Variants in UTRN observed in about 807,000 individuals in gnomAD.
The protein encoded by UTRN is utrophin, also known as dystrophin-related protein 1.
A neutral mutation model predicts 463.9 loss-of-function variants in UTRN; 283 were observed. The observed-to-expected ratio is 0.61, with a 90% CI of 0.55 to 0.67. UTRN has a LOEUF of 0.67. Ranked by LOEUF, UTRN falls within the 30% of genes least tolerant of loss-of-function variation. UTRN has a pLI of 0.00. For synonymous variants in UTRN, 1,442 were observed against 1,431.5 expected (o/e 1.01, Z -0.17); for missense variants, 3,922 against 4,084.3 (o/e 0.96, Z 1.08).
Position 144,751,560 on chromosome 6 carries a change from A to G in UTRN, c.8209-246A>G, listed in dbSNP as rs573833318. Among the ~76,000 whole-genome samples the G allele has an allele frequency of 2.6e-5, 4 of 152,240 alleles. No homozygotes were observed. In the South Asian group the frequency reaches 6.2e-4, roughly 24 times the overall value. On this transcript the variant is annotated intron_variant, in intron 55 of 74. Coordinates refer to ENST00000367545, the MANE Select transcript of UTRN (RefSeq NM_007124.3). ...GTATACTCAAGTCCCACATTTCCCC[A>G]TGGAACCTGCATGTAGGAAAAGTCA...
In UTRN at chr6:144,522,138, C is replaced by T. The variant is rs1000928103; in HGVS notation, c.5700C>T (p.Tyr1900=). Residue 1900 remains tyrosine, a synonymous_variant, in exon 40 of 75, where the codon TAC becomes TAT. Transcript: ENST00000367545. ...TTCCAGAGCTCAACACTGCTATTTACGAAGACTTCTCTTTTCAGGAAGACT... is the reference window on the plus strand; with the variant it reads ...TTCCAGAGCTCAACACTGCTATTTATGAAGACTTCTCTTTTCAGGAAGACT... ...LNVPELNTAI[Y]EDFSFQEDSL... 28 of 1,548,504 alleles carry T rather than the reference C, an allele frequency of 1.8e-5. No homozygotes were observed. The highest frequency in any genetic ancestry group is 2.5e-5 in the East Asian group (1 of 39,916).
chr6:144,444,536 A>G lies in UTRN; in HGVS notation c.1614+154A>G, dbSNP rs1235271206. 3.3e-5 allele frequency among the ~76,000 whole-genome samples: 5 copies of G among 152,332 alleles called. No individual in the cohort carries two copies. In the East Asian group the frequency reaches 5.8e-4, roughly 18 times the overall value. ...AGATCAAATTTCTATCCAGTTTATA[A>G]CTGATCATGAAGCTTATTCACAGAG... On this transcript the variant is annotated intron_variant, in intron 14 of 74. Coordinates refer to ENST00000367545, the MANE Select transcript of UTRN (RefSeq NM_007124.3).
chr6:144,646,021 A>G (rs934076219), intron 51 of UTRN, among the ~76,000 whole-genome samples: 2 of 152,116 alleles, frequency 1.3e-5, no homozygotes, highest in African/African-American at 2.4e-5. Context: ...GATCTTTCAT[A>G]TGGGTCACTA....
chr6:144,599,101 C>T (rs1803965816), intron 51 of UTRN, among the ~76,000 whole-genome samples: 1 of 152,076 alleles, frequency 6.6e-6, no homozygotes, highest in Admixed American at 6.5e-5. Flanking sequence ...TAGGAGAAAT[C>T]TCATTTAAGG....
chr6:144,806,689 A>G (rs984916537), intron 65 of UTRN, among the ~76,000 whole-genome samples: 1 of 140,816 alleles, frequency 7.1e-6, no homozygotes, highest in African/African-American at 2.6e-5. Flanking sequence ...TCTTATATTC[A>G]TTCCCTTCAT....
chr6:144,583,654 C>T, intron 51 of UTRN: 1 of 520,904 alleles, frequency 1.9e-6, no homozygotes, highest in South Asian at 3.3e-5. Context: ...TCTACTGTTT[C>T]TCAGGCTCTA....
intron 33 of UTRN, 36 bp from the exon 34 acceptor site, chr6:144,499,221 T>C: frequency 6.3e-7 from 1 of 1,581,174 alleles, no homozygotes; most frequent in Non-Finnish European, 8.6e-7. Context: ...CATTCCCATC[T>C]CAGTCTCAGT....
chr6:144,789,120 G>A, intron 61 of UTRN, 74 bp from the exon 62 acceptor site: 1 of 1,185,936 alleles, frequency 8.4e-7, no homozygotes, highest in South Asian at 1.4e-5. Flanking sequence ...CAAGAAAATA[G>A]ATATTCAGAA....
chr6:144,707,166 T>C (rs1785178660), intron 53 of UTRN: 1 of 152,224 alleles, frequency 6.6e-6, no homozygotes, highest in African/African-American at 2.4e-5. Context: ...GAGAAATTAA[T>C]ACAAAAGATT....
At chr6:144,763,071 C>G (rs751390115) in intron 58 of UTRN, among the ~76,000 whole-genome samples, 35 of 152,096 alleles carry the variant, frequency 2.3e-4, no homozygotes, top group Non-Finnish European at 4.0e-4. Context: ...GATGTTAATT[C>G]TTCATAGAAC....
At chr6:144,621,314 C>T (rs909313530) in intron 51 of UTRN, among the ~76,000 whole-genome samples, 8 of 152,236 alleles carry the variant, frequency 5.3e-5, no homozygotes, top group Middle Eastern at 3.4e-3. Flanking sequence ...TGTGAACAAA[C>T]CATACTGTAT....
chr6:144,304,611 T>G (rs1805551064), intron 2 of UTRN, among the ~76,000 whole-genome samples: 1 of 151,482 alleles, frequency 6.6e-6, no homozygotes, highest in Admixed American at 6.6e-5. Flanking sequence ...AAAGAATGAG[T>G]GGGGATGTGG....
chr6:144,497,183 C>T (rs552957177), intron 33 of UTRN, among the ~76,000 whole-genome samples: 1 of 152,202 alleles, frequency 6.6e-6, no homozygotes, highest in Non-Finnish European at 1.5e-5. Context: ...AGACTGGTTT[C>T]GAAGTCATTG....
chr6:144,776,391 C>G (rs1775325447), intron 60 of UTRN, among the ~76,000 whole-genome samples: 1 of 152,166 alleles, frequency 6.6e-6, no homozygotes. Flanking sequence ...CTGTGAACTA[C>G]TTTAGGTCAT....
intron 2 of UTRN, among the ~76,000 whole-genome samples, chr6:144,317,802 C>G (rs9496924): frequency 0.099 from 15,023 of 152,228 alleles, 2,445 homozygotes; most frequent in African/African-American, 0.34. Context: ...CTCAGACTTT[C>G]CTGTCAAGGA....
intron 9 of UTRN, among the ~76,000 whole-genome samples, chr6:144,432,831 G>C (rs1400898811): frequency 2.6e-5 from 4 of 152,136 alleles, no homozygotes; most frequent in African/African-American, 7.2e-5. Flanking sequence ...AGGACCCTGC[G>C]GCCTTCCGCA....
chr6:144,841,899 C>A (rs1781605545), intron 73 of UTRN, among the ~76,000 whole-genome samples: 1 of 151,886 alleles, frequency 6.6e-6, no homozygotes, highest in Non-Finnish European at 1.5e-5. Context: ...ATCATGAGAT[C>A]AGGAGTTCGA....
rs1584931017 is a variant in UTRN at position 144,473,589 on chromosome 6, G to C, written c.3067-131G>C. The C allele has an allele frequency of 1.4e-5, 8 of 563,150 alleles. No individual in the cohort carries two copies. In the East Asian group the frequency reaches 2.1e-4, roughly 15 times the overall value. 34.9% of individuals were successfully genotyped at this position (563,150 alleles called of 1,614,324 possible). On this transcript the variant is annotated intron_variant, in intron 23 of 74. Transcript: ENST00000367545. ...TTCAAATTTGGAAGGTTTAGAAAAA[G>C]AAATAACATAAATGAAAGCGATGCT...
At position 144,453,699 on chromosome 6, in the gene UTRN, C is replaced by A. The variant is rs79607150; in HGVS notation, c.2197-83C>A. 2.2e-3 allele frequency: 2,327 copies of A among 1,069,242 alleles called. 27 individuals carry two copies. In the African/African-American group the frequency reaches 0.029, roughly 13 times the overall value. The allele number at this position is 1,069,242 out of a possible 1,614,324, so 66.2% of individuals were successfully genotyped here. A position where few individuals can be genotyped will look rare whatever the true frequency, so the allele number is the denominator to read the frequency against. Reference sequence around the variant, plus strand: ...CAGATTTAAAAAGAATGTAGGAGGGCCATTCAACTTAAACATTTAAAACAG... The same window carrying A: ...CAGATTTAAAAAGAATGTAGGAGGGACATTCAACTTAAACATTTAAAACAG... On this transcript the variant is annotated intron_variant, in intron 18 of 74. Coordinates refer to ENST00000367545, the MANE Select transcript of UTRN (RefSeq NM_007124.3).
Sources: allele counts gnomAD v4.1 joint callset (sites outside exome capture counted in the v4.1 genomes callset), GRCh38; gene constraint gnomAD v4.1.1; transcripts MANE v1.5; gene names NCBI Gene and HGNC (gene_info 2026-07-23, HGNC 2026-07-21).